The following SLC39A11 variants were observed in gnomAD, a reference collection of about 807,000 sequenced individuals.
SLC39A11 encodes the protein solute carrier family 39 member 11.
SLC39A11 carries 33 observed loss-of-function variants against 36.1 expected under a neutral mutation model. The ratio of observed to expected loss-of-function variants is 0.91; its 90% CI spans 0.69 to 1.22. SLC39A11 has a LOEUF of 1.22. Ranked by LOEUF, SLC39A11 falls within the 50% of genes most tolerant of loss-of-function variation. The pLI, the probability that SLC39A11 is intolerant of heterozygous loss-of-function variation, is 0.00. For missense variants in SLC39A11, 432 were observed against 430.3 expected (o/e 1.00, Z -0.03); for synonymous variants, 166 against 170.3 (o/e 0.97, Z 0.20).
chr17:72,662,626 G>GA (rs1265533492), intron 7 of SLC39A11, among the ~76,000 whole-genome samples: 10 of 69,164 alleles, frequency 1.4e-4, no homozygotes, highest in African/African-American at 6.7e-4. Context: ...AGAGAAGAAA[G>GA]AGAAGAAAGA....
Position 72,647,616 on chromosome 17 carries a change from C to G in SLC39A11, c.976G>C (p.Val326Leu), listed in dbSNP as rs776772108. 6.8e-6 allele frequency: 11 copies of G among 1,614,070 alleles called. No homozygotes were observed. Among genetic ancestry groups the G allele is most frequent in the Non-Finnish European group, 9.3e-6 (11 of 1,179,968 alleles). ...ASWASILGFV[V>L]MMSLDVGLG Reference sequence around the variant, plus strand: ...AGGCCAACGTCCAGTGACATCATCACTACAAATCCCAGGATGGAGGCCCAG... The same window carrying G: ...AGGCCAACGTCCAGTGACATCATCAGTACAAATCCCAGGATGGAGGCCCAG... Residue 326 changes from valine (V) to leucine (L), a missense_variant, in exon 10 of 10, where the codon GTG (valine) becomes CTG (leucine). Val to Leu is a conservative substitution (Grantham distance 32, BLOSUM62 1). Coordinates refer to ENST00000255559, the MANE Select transcript of SLC39A11 (RefSeq NM_139177.4).
intron 6 of SLC39A11, among the ~76,000 whole-genome samples, chr17:72,778,698 T>A (rs985308944): frequency 6.6e-5 from 10 of 152,190 alleles, no homozygotes; most frequent in African/African-American, 2.4e-4. Context: ...TGACATATGG[T>A]CATTGATTTT....
intron 4 of SLC39A11, among the ~76,000 whole-genome samples, chr17:73,019,914 G>T (rs1026784379): frequency 6.6e-6 from 1 of 152,168 alleles, no homozygotes; most frequent in Non-Finnish European, 1.5e-5. Context: ...AATGGAAGAA[G>T]ATATACCAAG....
At chr17:72,811,068 CA>C (rs10707741) in intron 6 of SLC39A11, among the ~76,000 whole-genome samples, 61,471 of 141,732 alleles carry the variant, frequency 0.43, 12,841 homozygotes, top group East Asian at 0.69. Flanking sequence ...TGAATAAAAG[CA>C]AAAAAAAAAA....
chr17:73,036,263 T>C (rs769582717), intron 3 of SLC39A11, among the ~76,000 whole-genome samples: 2 of 152,170 alleles, frequency 1.3e-5, no homozygotes, highest in African/African-American at 2.4e-5. Context: ...CACTTTTAGA[T>C]TGATAGCAAA....
At chr17:73,064,124 G>A (rs186665471) in intron 3 of SLC39A11, among the ~76,000 whole-genome samples, 11 of 152,108 alleles carry the variant, frequency 7.2e-5, no homozygotes, top group Admixed American at 5.2e-4. Flanking sequence ...GAAAACCTAC[G>A]CACTGGTCGG....
At chr17:73,063,324 T>A (rs907989270) in intron 3 of SLC39A11, among the ~76,000 whole-genome samples, 1 of 152,180 alleles carries the variant, frequency 6.6e-6, no homozygotes, top group African/African-American at 2.4e-5. Context: ...ATTGACCCCT[T>A]ATGAAATAAT....
intron 7 of SLC39A11, among the ~76,000 whole-genome samples, chr17:72,689,429 A>G (rs1192548300): frequency 1.6e-4 from 4 of 25,614 alleles, no homozygotes; most frequent in African/African-American, 3.7e-4. Context: ...TAAGTCAGCA[A>G]TTCCACTCCT....
chr17:72,902,132 G>C (rs1450936800), intron 5 of SLC39A11, among the ~76,000 whole-genome samples: 1 of 152,066 alleles, frequency 6.6e-6, no homozygotes, highest in Admixed American at 6.6e-5. Context: ...TTAGCCAGGC[G>C]TGGTGGCACA....
At chr17:72,878,615 C>T (rs1198985205) in intron 5 of SLC39A11, among the ~76,000 whole-genome samples, 1 of 152,240 alleles carries the variant, frequency 6.6e-6, no homozygotes, top group Non-Finnish European at 1.5e-5. Flanking sequence ...ACATCCCCTA[C>T]ACCCCCTTTA....
chr17:72,762,540 A>G lies in SLC39A11; in HGVS notation c.602-25821T>C, dbSNP rs568849897. Among the ~76,000 whole-genome samples, 3 of 152,348 alleles carry G rather than the reference A, an allele frequency of 2.0e-5. No individual in the cohort carries two copies. In the East Asian group the frequency reaches 5.8e-4, roughly 29 times the overall value. On this transcript the variant is annotated intron_variant, in intron 6 of 9. Coordinates refer to ENST00000255559, the MANE Select transcript of SLC39A11 (RefSeq NM_139177.4). ...ATATAATCAAGAAGTAACCATAAAAATGGGCAACCAGCAGCCCTTGGGGCA... is the reference window on the plus strand; with the variant it reads ...ATATAATCAAGAAGTAACCATAAAAGTGGGCAACCAGCAGCCCTTGGGGCA...
Position 72,831,186 on chromosome 17 carries a change from G to C in SLC39A11, c.601+18448C>G, listed in dbSNP as rs1202842115. Among the ~76,000 whole-genome samples the C allele has an allele frequency of 2.6e-5, 4 of 151,908 alleles. No homozygotes were observed. In the South Asian group the frequency reaches 8.3e-4, roughly 32 times the overall value. On this transcript the variant is annotated intron_variant, in intron 6 of 9. Transcript: ENST00000255559. The stretch of plus-strand genomic sequence containing the variant: ...CCTCTTCCCTAACATCTCTGAGACA[G>C]AAAGAATTTCTGAGAATATAGAGAA...
At chr17:72,760,842 C>A (rs1255782756) in intron 6 of SLC39A11, among the ~76,000 whole-genome samples, 5 of 152,186 alleles carry the variant, frequency 3.3e-5, no homozygotes, top group Admixed American at 3.3e-4. Context: ...TCTGATCTGC[C>A]TTCCAGCCAC....
chr17:72,683,992 C>T (rs934690204), intron 7 of SLC39A11, among the ~76,000 whole-genome samples: 5 of 152,116 alleles, frequency 3.3e-5, no homozygotes, highest in Admixed American at 3.3e-4. Context: ...CTCTTTAAGT[C>T]CCAGGGGAAG....
At chr17:72,949,144 C>CTGTTTTTTTTTT (rs2085661439) in intron 4 of SLC39A11, among the ~76,000 whole-genome samples, 1 of 36,474 alleles carries the variant, frequency 2.7e-5, no homozygotes, top group Non-Finnish European at 5.4e-5. Context: ...CACTGGGCAG[C>CTGTTTTTTTTTT]TTTTTTTTTT....
intron 7 of SLC39A11, among the ~76,000 whole-genome samples, chr17:72,735,363 C>T (rs528675632): frequency 6.6e-6 from 1 of 152,204 alleles, no homozygotes; most frequent in South Asian, 2.1e-4. Flanking sequence ...ACAGGCCCCA[C>T]GCAGGCTTGG....
intron 6 of SLC39A11, among the ~76,000 whole-genome samples, chr17:72,847,953 G>T (rs954555298): frequency 2.0e-5 from 3 of 152,168 alleles, no homozygotes; most frequent in African/African-American, 7.2e-5. Context: ...ACCCAAGGAT[G>T]CTCCCTGGGG....
chr17:72,904,405 C>A lies in SLC39A11; in HGVS notation c.430+43347G>T, dbSNP rs867424513. 3.3e-5 allele frequency among the ~76,000 whole-genome samples: 5 copies of A among 152,292 alleles called. No individual in the cohort carries two copies. In the South Asian group the frequency reaches 8.3e-4, roughly 25 times the overall value. On this transcript the variant is annotated intron_variant, in intron 5 of 9. Coordinates refer to ENST00000255559, the MANE Select transcript of SLC39A11 (RefSeq NM_139177.4). The stretch of plus-strand genomic sequence containing the variant: ...CCACTGAATTTTCACCATACAGTGT[C>A]CAAAATAAGGAAGAGCGGCCACAGA...
intron 6 of SLC39A11, among the ~76,000 whole-genome samples, chr17:72,791,956 T>C (rs189072526): frequency 1.1e-3 from 168 of 152,290 alleles, no homozygotes; most frequent in African/African-American, 2.6e-3. Flanking sequence ...GGGCAGTTCT[T>C]TATAGTGGCA....
Sources: allele counts gnomAD v4.1 joint callset (sites outside exome capture counted in the v4.1 genomes callset), GRCh38; gene constraint gnomAD v4.1.1; transcripts MANE v1.5; gene names NCBI Gene and HGNC (gene_info 2026-07-23, HGNC 2026-07-21).